CASZ1: variants seen among roughly 807,000 people sequenced by gnomAD.
CASZ1 encodes the protein zinc finger protein castor homolog 1.
A neutral mutation model predicts 135.2 loss-of-function variants in CASZ1; 28 were observed. That is an observed-to-expected ratio of 0.21 (90% confidence interval 0.15 to 0.28). The LOEUF is 0.28. Among genes scored for constraint, CASZ1 ranks in the 10% least tolerant of loss-of-function variants. The probability of loss-of-function intolerance (pLI) is 1.00; values close to 1 mark genes in which losing one functional copy is unlikely to be tolerated. For synonymous variants in CASZ1, 1,068 were observed against 1,073.4 expected (o/e 0.99, Z 0.10); for missense variants, 2,161 against 2,453.3 (o/e 0.88, Z 2.52).
At chr1:10,770,148 G>A (rs1198197411) in intron 1 of CASZ1, among the ~76,000 whole-genome samples, 5 of 151,900 alleles carry the variant, frequency 3.3e-5, no homozygotes, top group African/African-American at 1.2e-4. Flanking sequence ...GCAATGGCAC[G>A]ATCTCGGCTC....
chr1:10,698,909 C>G (rs1168814992), intron 3 of CASZ1, among the ~76,000 whole-genome samples: 2 of 152,244 alleles, frequency 1.3e-5, no homozygotes, highest in African/African-American at 4.8e-5. Flanking sequence ...CCTCAGGGCT[C>G]TGTGTGGCTC....
At position 10,650,735 on chromosome 1, in the gene CASZ1, G is replaced by C. The variant is rs1341253345; in HGVS notation, c.2837C>G (p.Ala946Gly). Residue 946 changes from alanine (A) to glycine (G), a missense_variant, in exon 13 of 21, where the codon GCA becomes GGA. By Grantham distance (60) the Ala-to-Gly change is moderately conservative. Transcript: ENST00000377022. Reference protein sequence around the residue: ...KEPSNESNGHAVPANSSLLSS... With the variant: ...KEPSNESNGHGVPANSSLLSS... ...TAAAAGAGATGAATTTGCCGGGACTGCGTGGCCATTTGATTCGTTGCTAGA... is the reference window on the plus strand; with the variant it reads ...TAAAAGAGATGAATTTGCCGGGACTCCGTGGCCATTTGATTCGTTGCTAGA... 3 of 1,614,122 alleles carry C rather than the reference G, an allele frequency of 1.9e-6. No homozygotes were observed. The highest frequency in any genetic ancestry group is 2.5e-6 in the Non-Finnish European group (3 of 1,179,946).
intron 1 of CASZ1, among the ~76,000 whole-genome samples, chr1:10,792,822 T>C (rs2100638429): frequency 6.6e-6 from 1 of 151,064 alleles, no homozygotes; most frequent in African/African-American, 2.4e-5. Flanking sequence ...GCAGGCAAAA[T>C]TGAACTTTAA....
rs138289143 is a variant in CASZ1 at position 10,774,965 on chromosome 1, A to AAC, written c.-233-14110_-233-14109dup. On this transcript the variant is annotated intron_variant, in intron 1 of 20. Coordinates refer to ENST00000377022, the MANE Select transcript of CASZ1 (RefSeq NM_001079843.3). This position sits in a 1 kb window ranked among gnomAD's most constrained non-coding sequence, Gnocchi z 4.4. ...ATCAACAGTTTAAATCTCTGCATTA[A>AAC]ACACACACACACAACACCCCAACAA... 6.6e-5 allele frequency among the ~76,000 whole-genome samples: 10 copies of AAC among 152,092 alleles called. No individual in the cohort carries two copies. Among genetic ancestry groups the AAC allele is most frequent in the African/African-American group, 2.2e-4 (9 of 41,496 alleles).
At chr1:10,722,115 C>T (rs1380843293) in intron 2 of CASZ1, among the ~76,000 whole-genome samples, 1 of 152,224 alleles carries the variant, frequency 6.6e-6, no homozygotes, top group African/African-American at 2.4e-5. Context: ...CCCTTCGCAA[C>T]CTGCACTGAA....
rs758740834 is a variant in CASZ1, at chr1:10,642,992, T to C, written c.4029A>G (p.Pro1343=). 5 of 1,612,298 alleles carry C rather than the reference T, an allele frequency of 3.1e-6. No homozygotes were observed. Among genetic ancestry groups the C allele is most frequent in the Non-Finnish European group, 3.4e-6 (4 of 1,179,586 alleles). Residue 1343 remains proline (P), a synonymous_variant, in exon 20 of 21, where the codon CCA becomes CCG. Coordinates refer to ENST00000377022, the MANE Select transcript of CASZ1 (RefSeq NM_001079843.3). ...FDRVPPSQGP[P]GLMDAETDEC... ...CATCTGTCTCAGCATCCATCAGGCC[T>C]GGGGGGCCCTGAAAGGACACGGGGG... is the stretch of plus-strand genomic sequence containing the variant.
chr1:10,764,737 C>G (rs2100582031), intron 1 of CASZ1, among the ~76,000 whole-genome samples: 1 of 152,292 alleles, frequency 6.6e-6, no homozygotes, highest in Middle Eastern at 3.4e-3. Flanking sequence ...CTCCTGGCCT[C>G]AAAACAGTTC....
At chr1:10,667,560 G>A (rs17035543) in intron 4 of CASZ1, among the ~76,000 whole-genome samples, 8,261 of 152,258 alleles carry the variant, frequency 0.054, 349 homozygotes, top group African/African-American at 0.11. Context: ...CTGCCCAGCA[G>A]GTTCTGTGAC....
chr1:10,749,326 C>T (rs976644092), intron 2 of CASZ1, among the ~76,000 whole-genome samples: 1 of 152,028 alleles, frequency 6.6e-6, no homozygotes, highest in Non-Finnish European at 1.5e-5. Context: ...CAGCTCACTG[C>T]AGCCTCCACT....
intron 4 of CASZ1, among the ~76,000 whole-genome samples, chr1:10,674,729 C>T (rs1039583448): frequency 4.6e-5 from 7 of 152,316 alleles, no homozygotes; most frequent in South Asian, 2.1e-4. Flanking sequence ...CAGGGCACCG[C>T]GGACCTGGAG....
At chr1:10,685,219 C>T (rs954822440) in intron 4 of CASZ1, among the ~76,000 whole-genome samples, 6 of 152,190 alleles carry the variant, frequency 3.9e-5, no homozygotes, top group Non-Finnish European at 5.9e-5. Flanking sequence ...GGGAGAAGGG[C>T]GGCCCTGAAG....
rs116435072 is a variant in CASZ1, at chr1:10,719,953, T to C, written c.-76-14409A>G. 3.3e-4 allele frequency among the ~76,000 whole-genome samples: 51 copies of C among 152,266 alleles called. No homozygotes were observed. Among genetic ancestry groups the C allele is most frequent in the African/African-American group, 1.1e-3 (44 of 41,558 alleles). On this transcript the variant is annotated intron_variant, in intron 2 of 20. Coordinates refer to ENST00000377022, the MANE Select transcript of CASZ1 (RefSeq NM_001079843.3). The surrounding 1 kb of genome is among the most constrained non-coding windows in gnomAD (Gnocchi z 4.0). ...CAGAGATATGGTGCCTGAACACAGG[T>C]CCTCCGACAGCACCAGGGTGCGGTG...
In CASZ1 at chr1:10,653,814, G is replaced by C; in HGVS notation, c.2243C>G (p.Ser748Cys). The change falls in exon 11 of 21, where the codon TCT (serine) becomes TGT (cysteine). Residue 748 changes from serine (S) to cysteine (C), a missense_variant. This residue lies in a region of CASZ1 where 406 missense variants were observed against 387.6 expected (regional missense o/e 1.05). Transcript: ENST00000377022. ...GGCAGTGGCGGCAGCCAGGGACGCA[G>C]AGGACTGCTGGCTGGTAGGGGAGGC... Reference protein sequence around the residue: ...LSASPTSQQSSASLAAATAAT... With the variant: ...LSASPTSQQSCASLAAATAAT... The C allele has an allele frequency of 1.2e-6, 2 of 1,609,202 alleles. No individual in the cohort carries two copies. The highest frequency in any genetic ancestry group is 1.7e-6 in the Non-Finnish European group (2 of 1,177,064).
chr1:10,722,711 T>C (rs1321383478), intron 2 of CASZ1, among the ~76,000 whole-genome samples: 1 of 152,236 alleles, frequency 6.6e-6, no homozygotes, highest in African/African-American at 2.4e-5. Flanking sequence ...GCCGTGGTGG[T>C]GGCTGAAGGT....
Position 10,762,907 on chromosome 1 carries a change from C to A in CASZ1, c.-233-2050G>T. Among the ~76,000 whole-genome samples the A allele has an allele frequency of 6.6e-6, 1 of 152,286 alleles. No homozygotes were observed. On this transcript the variant is annotated intron_variant, in intron 1 of 20. Transcript: ENST00000377022. This position sits in a 1 kb window ranked among gnomAD's most constrained non-coding sequence, Gnocchi z 4.1. ...AAGGGGGCTCCAGGCCCTGGTGGGA[C>A]GCTCGTTGGGCTTCTTCCAGCGGAA...
At chr1:10,648,186 G>C in intron 15 of CASZ1, 47 bp from the exon 16 acceptor site, 1 of 1,338,798 alleles carries the variant, frequency 7.5e-7, no homozygotes, top group South Asian at 1.5e-5. Context: ...GTGAAGACAG[G>C]TGTGGAGGGG....
At position 10,720,915 on chromosome 1, in the gene CASZ1, C is replaced by T. The variant is rs939635061; in HGVS notation, c.-76-15371G>A. ...GGCTCCAGGACACGAGGTGGACACC[C>T]GACCTCATGCCCTGCCTACCACCCA... On this transcript the variant is annotated intron_variant, in intron 2 of 20. Transcript: ENST00000377022. This position sits in a 1 kb window ranked among gnomAD's most constrained non-coding sequence, Gnocchi z 5.7. 3.9e-5 allele frequency among the ~76,000 whole-genome samples: 6 copies of T among 152,186 alleles called. No homozygotes were observed. In the South Asian group the frequency reaches 8.3e-4, roughly 21 times the overall value.
rs115668567 is a variant in CASZ1 at position 10,745,748 on chromosome 1, C to T, written c.-77+14953G>A. Among the ~76,000 whole-genome samples the T allele has an allele frequency of 9.0e-3, 1,373 of 152,318 alleles. 18 individuals are homozygous for T. The highest frequency in any genetic ancestry group is 0.03 in the African/African-American group (1,263 of 41,556). ...AAGCCAAGAGATATCAGAAAAGCCA[C>T]TCATTATCTCTGGCCATAGGGCACC... On this transcript the variant is annotated intron_variant, in intron 2 of 20. Coordinates refer to ENST00000377022, the MANE Select transcript of CASZ1 (RefSeq NM_001079843.3).
chr1:10,775,603 G>A (rs1024034949), intron 1 of CASZ1, among the ~76,000 whole-genome samples: 5 of 152,110 alleles, frequency 3.3e-5, no homozygotes, highest in Admixed American at 1.3e-4. Flanking sequence ...TCCATGCTCC[G>A]ATGATCTCTT....
Sources: gnomAD v4.1 joint callset for allele counts (sites outside exome capture counted in the v4.1 genomes callset) on GRCh38, gnomAD v4.1.1 for gene constraint, gnomAD v4.1.1 regional missense constraint, Gnocchi (gnomAD v3.1) non-coding constraint, MANE v1.5 for transcripts, NCBI Gene and HGNC (gene_info 2026-07-23, HGNC 2026-07-21) for gene names.